Variants in RHBDD1 observed in about 807,000 individuals in gnomAD.
RHBDD1 encodes rhomboid-related protein 4.
A neutral mutation model predicts 36.3 loss-of-function variants in RHBDD1; 38 were observed. The observed-to-expected ratio is 1.05, with a 90% CI of 0.81 to 1.37. The LOEUF (loss-of-function observed/expected upper bound fraction) is 1.37, where lower values mean the gene tolerates loss of function less well. Among genes scored for constraint, RHBDD1 ranks in the 40% most tolerant of loss-of-function variants. RHBDD1 has a pLI of 0.00. For synonymous variants in RHBDD1, 151 were observed against 136.5 expected (o/e 1.11, Z -0.74); for missense variants, 393 against 377.6 (o/e 1.04, Z -0.34).
In RHBDD1 at chr2:226,863,543, G is replaced by A. The variant is rs146013265; in HGVS notation, c.-90-1061G>A. On this transcript the variant is annotated intron_variant, in intron 3 of 8. Coordinates refer to ENST00000392062, the MANE Select transcript of RHBDD1 (RefSeq NM_001167608.3). ...GGGTCAGCAAATTAGGCTGGGCTCA[G>A]CGAGACTCACTTGTATACCTGTGGT... is the stretch of plus-strand genomic sequence containing the variant. Among the ~76,000 whole-genome samples, 567 of 152,296 alleles carry A rather than the reference G, an allele frequency of 3.7e-3. 3 individuals carry two copies. The highest frequency in any genetic ancestry group is 0.012 in the African/African-American group (502 of 41,554).
chr2:226,942,262 A>G (rs906667964), intron 8 of RHBDD1, among the ~76,000 whole-genome samples: 5 of 146,954 alleles, frequency 3.4e-5, no homozygotes, highest in African/African-American at 1.0e-4. Context: ...TTTTTGAGAC[A>G]GAGTCTCGTT....
In RHBDD1 at chr2:226,857,253, C is replaced by G. The variant is rs527543007; in HGVS notation, c.-90-7351C>G. 9.1e-4 allele frequency among the ~76,000 whole-genome samples: 139 copies of G among 152,088 alleles called. No individual in the cohort carries two copies. The South Asian group carries it at 0.027, about 30-fold the overall frequency. On this transcript the variant is annotated intron_variant, in intron 3 of 8. Coordinates refer to ENST00000392062, the MANE Select transcript of RHBDD1 (RefSeq NM_001167608.3). ...GAAAATCAGTATTACTTCACATCCA[C>G]CAGGATGGCTACAGTAAAAAAAGAT... is the stretch of plus-strand genomic sequence containing the variant.
At chr2:226,866,083 T>A (rs985745121) in intron 4 of RHBDD1, among the ~76,000 whole-genome samples, 1 of 131,634 alleles carries the variant, frequency 7.6e-6, no homozygotes, top group Admixed American at 7.9e-5. Context: ...TTTATTTATT[T>A]TTTTTGAGAC....
chr2:226,831,197 C>G (rs1464050914), upstream of RHBDD1, among the ~76,000 whole-genome samples: 1 of 152,066 alleles, frequency 6.6e-6, no homozygotes, highest in African/African-American at 2.4e-5. Flanking sequence ...ATAATTTCTT[C>G]CTTAAATATT....
At chr2:226,971,406 G>T (rs2149339204) in intron 8 of RHBDD1, among the ~76,000 whole-genome samples, 1 of 152,366 alleles carries the variant, frequency 6.6e-6, no homozygotes, top group East Asian at 1.9e-4. Flanking sequence ...CAGTGAAGCA[G>T]AACGGGCATC....
intron 8 of RHBDD1, among the ~76,000 whole-genome samples, chr2:226,916,605 T>A (rs1034917794): frequency 7.9e-5 from 12 of 152,306 alleles, no homozygotes; most frequent in African/African-American, 2.6e-4. Context: ...GGACTTATAT[T>A]TGGGAGACAT....
chr2:226,811,017 G>C, the RHBDD1 span: 1 of 152,178 alleles, frequency 6.6e-6, no homozygotes, highest in Non-Finnish European at 1.5e-5. Flanking sequence ...CTCAGATTAA[G>C]AATGTTTCCC....
At chr2:226,822,648 A>G in the RHBDD1 span, among the ~76,000 whole-genome samples, 8 of 151,924 alleles carry the variant, frequency 5.3e-5, no homozygotes, top group East Asian at 1.9e-4. Context: ...AAAAAAAAAA[A>G]AAAAGAAAAT....
Position 226,886,873 on chromosome 2 carries a change from A to C in RHBDD1, c.566+19555A>C, listed in dbSNP as rs1254191419. ...AGTAAGTAAGCTTAGTCTTTAATTT[A>C]AAGAACTAGAAAAGGAACAAATAAA... On this transcript the variant is annotated intron_variant, in intron 5 of 8. Coordinates refer to ENST00000392062, the MANE Select transcript of RHBDD1 (RefSeq NM_001167608.3). Among the ~76,000 whole-genome samples the C allele has an allele frequency of 2.8e-4, 42 of 152,204 alleles. 1 individual carries two copies. Among genetic ancestry groups the C allele is most frequent in the Admixed American group, 2.7e-3 (42 of 15,290 alleles).
intron 3 of RHBDD1, among the ~76,000 whole-genome samples, chr2:226,860,486 C>A (rs1185478341): frequency 6.6e-6 from 1 of 152,150 alleles, no homozygotes; most frequent in Admixed American, 6.6e-5. Flanking sequence ...ATTTTATAGT[C>A]AGTGCTCACT....
chr2:226,988,370 G>A (rs1957460273), intron 8 of RHBDD1: 1 of 1,550,176 alleles, frequency 6.5e-7, no homozygotes, highest in African/African-American at 1.4e-5. Context: ...AAGTCTCCTG[G>A]ACCCCAAGAT....
At chr2:226,967,554 C>A (rs1047832293) in intron 8 of RHBDD1, among the ~76,000 whole-genome samples, 2 of 139,968 alleles carry the variant, frequency 1.4e-5, no homozygotes, top group Non-Finnish European at 3.0e-5. Flanking sequence ...CCACCTCTAA[C>A]TTTCTGCATG....
chr2:226,974,984 C>T (rs1448776967), intron 8 of RHBDD1, among the ~76,000 whole-genome samples: 1 of 152,174 alleles, frequency 6.6e-6, no homozygotes, highest in Non-Finnish European at 1.5e-5. Context: ...CTGATGGCCA[C>T]ACGTGAATCA....
chr2:226,848,452 G>T (rs16822756), intron 3 of RHBDD1, among the ~76,000 whole-genome samples: 27,396 of 152,114 alleles, frequency 0.18, 3,918 homozygotes, highest in African/African-American at 0.4. Flanking sequence ...ACAGTTGGGG[G>T]TGACTTCTGG....
intron 5 of RHBDD1, among the ~76,000 whole-genome samples, chr2:226,901,619 C>G (rs565761815): frequency 6.6e-6 from 1 of 152,210 alleles, no homozygotes; most frequent in South Asian, 2.1e-4. Flanking sequence ...ATTTGCATTT[C>G]CCTGATGATT....
chr2:226,859,601 T>G (rs904297954), intron 3 of RHBDD1, among the ~76,000 whole-genome samples: 4 of 152,146 alleles, frequency 2.6e-5, no homozygotes, highest in Non-Finnish European at 5.9e-5. Context: ...GCTCTGGGTG[T>G]TGTTGGTGAT....
chr2:226,985,262 C>A (rs1956677777), intron 8 of RHBDD1, among the ~76,000 whole-genome samples: 1 of 152,182 alleles, frequency 6.6e-6, no homozygotes, highest in Non-Finnish European at 1.5e-5. Context: ...GTATCTATAT[C>A]TCTCCCAGTG....
chr2:226,948,577 AAAAAAAAACGAAAAAAAT>A (rs1951182641), intron 8 of RHBDD1, among the ~76,000 whole-genome samples: 2 of 124,492 alleles, frequency 1.6e-5, no homozygotes, highest in South Asian at 2.6e-4. Flanking sequence ...AAAAAAAAAA[AAAAAAAAACGAAAAAAAT>A]AAAAATAAAA....
intron 3 of RHBDD1, among the ~76,000 whole-genome samples, chr2:226,843,735 T>C (rs1177259849): frequency 6.6e-6 from 1 of 152,188 alleles, no homozygotes; most frequent in Non-Finnish European, 1.5e-5. Flanking sequence ...TTTTTCTTTT[T>C]GTTGTTGTAT....
Sources: allele counts gnomAD v4.1 joint callset (sites outside exome capture counted in the v4.1 genomes callset), GRCh38; gene constraint gnomAD v4.1.1; transcripts MANE v1.5; gene names NCBI Gene and HGNC (gene_info 2026-07-23, HGNC 2026-07-21).